ZSWIM5: variants seen among roughly 807,000 people sequenced by gnomAD.
ZSWIM5 encodes zinc finger SWIM-type containing 5, also known as zinc finger SWIM domain-containing protein 5.
A neutral mutation model predicts 119.6 loss-of-function variants in ZSWIM5; 55 were observed. The observed-to-expected ratio is 0.46, with a 90% CI of 0.37 to 0.58. The LOEUF (loss-of-function observed/expected upper bound fraction) is 0.58. Among genes scored for constraint, ZSWIM5 ranks in the 20% least tolerant of loss-of-function variants. ZSWIM5 has a pLI of 0.00. For synonymous variants in ZSWIM5, 537 were observed against 606.9 expected (o/e 0.88, Z 1.69); for missense variants, 1,193 against 1,512.8 (o/e 0.79, Z 3.51).
intron 11 of ZSWIM5, among the ~76,000 whole-genome samples, chr1:45,025,045 T>A (rs543222975): frequency 3.2e-4 from 49 of 152,346 alleles, no homozygotes; most frequent in Non-Finnish European, 6.2e-4. Context: ...GGTCAGTGTC[T>A]ATATTAATTT....
In ZSWIM5 at chr1:45,153,342, C is replaced by T. The variant is rs190435241; in HGVS notation, c.595+52414G>A. 7.3e-5 allele frequency among the ~76,000 whole-genome samples: 11 copies of T among 151,318 alleles called. No homozygotes were observed. In the East Asian group the frequency reaches 2.1e-3, roughly 29 times the overall value. On this transcript the variant is annotated intron_variant, in intron 1 of 13. Transcript: ENST00000359600. Reference sequence around the variant, plus strand: ...TTCGAGACCAGCCTGGCCAACATTGCGAAAAATATAAAAATTAGCCAGATG... The same window carrying T: ...TTCGAGACCAGCCTGGCCAACATTGTGAAAAATATAAAAATTAGCCAGATG...
intron 2 of ZSWIM5, among the ~76,000 whole-genome samples, chr1:45,069,818 A>G (rs1163294514): frequency 6.6e-6 from 1 of 152,254 alleles, no homozygotes; most frequent in African/African-American, 2.4e-5. Context: ...AATAAATTCT[A>G]GGCCAAGCTT....
intron 5 of ZSWIM5, among the ~76,000 whole-genome samples, chr1:45,048,315 T>C (rs953487112): frequency 6.6e-6 from 1 of 152,036 alleles, no homozygotes; most frequent in Non-Finnish European, 1.5e-5. Flanking sequence ...ACTGGGATTA[T>C]AGGCAGGAAC....
In ZSWIM5 at chr1:45,205,827, C is replaced by A. The variant is rs1429558470; in HGVS notation, c.524G>T (p.Gly175Val). 4.6e-6 allele frequency: 7 copies of A among 1,510,498 alleles called. No homozygotes were observed. The highest frequency in any genetic ancestry group is 6.2e-6 in the Non-Finnish European group (7 of 1,131,302). 93.6% of individuals were successfully genotyped at this position (1,510,498 alleles called of 1,614,324 possible). A position where few individuals can be genotyped will look rare whatever the true frequency, so the allele number is the denominator to read the frequency against. ...GAGAGAAGCGGEGLPFRRGIR... is the reference protein window; with the variant it reads ...GAGAGAAGCGVEGLPFRRGIR... ...GCCCCGGCGGAACGGGAGCCCCTCG[C>A]CACCGCAGCCGGCCGCGCCGGCCCC... Residue 175 changes from glycine to valine, a missense_variant, in exon 1 of 14, where the codon GGC becomes GTC. Physicochemically the swap from Gly to Val is moderately radical, Grantham distance 109. Coordinates refer to ENST00000359600, the MANE Select transcript of ZSWIM5 (RefSeq NM_020883.2).
chr1:45,182,410 AC>A (rs555766880), intron 1 of ZSWIM5, among the ~76,000 whole-genome samples: 32,058 of 141,946 alleles, frequency 0.23, 5,453 homozygotes, highest in African/African-American at 0.33. Flanking sequence ...TCTCAAAAAA[AC>A]AAACAAACAA....
intron 2 of ZSWIM5, among the ~76,000 whole-genome samples, chr1:45,077,512 G>A (rs1366982848): frequency 6.6e-6 from 1 of 152,194 alleles, no homozygotes; most frequent in African/African-American, 2.4e-5. Flanking sequence ...CACAAGGCAA[G>A]TGGAGGCAGG....
intron 2 of ZSWIM5, among the ~76,000 whole-genome samples, chr1:45,076,917 T>C (rs1463895178): frequency 6.6e-6 from 1 of 152,058 alleles, no homozygotes; most frequent in African/African-American, 2.4e-5. Flanking sequence ...TGTATGCCAA[T>C]TGCATTTTTC....
chr1:45,058,526 G>A (rs1645135421), intron 4 of ZSWIM5, 83 bp downstream of exon 4: 6 of 1,550,362 alleles, frequency 3.9e-6, no homozygotes, highest in African/African-American at 1.4e-5. Context: ...TCCATGCAAC[G>A]ACTGATGGCA....
At chr1:45,106,035 A>G (rs1348386487) in intron 1 of ZSWIM5, among the ~76,000 whole-genome samples, 19 of 127,492 alleles carry the variant, frequency 1.5e-4, no homozygotes, top group South Asian at 2.7e-4. Flanking sequence ...GGAGGTGAGG[A>G]GCGCCTCTGC....
At chr1:45,033,221 TA>T (rs1341363119) in intron 11 of ZSWIM5, among the ~76,000 whole-genome samples, 1 of 152,224 alleles carries the variant, frequency 6.6e-6, no homozygotes, top group Non-Finnish European at 1.5e-5. Context: ...TTTAGTTGTC[TA>T]AAAACGATTT....
At chr1:45,180,614 C>T (rs1291288909) in intron 1 of ZSWIM5, among the ~76,000 whole-genome samples, 21 of 152,138 alleles carry the variant, frequency 1.4e-4, no homozygotes, top group African/African-American at 3.9e-4. Context: ...GATCTGAGAA[C>T]GGGCAGACTG....
intron 1 of ZSWIM5, among the ~76,000 whole-genome samples, chr1:45,185,819 C>A (rs1646054543): frequency 6.6e-6 from 1 of 152,152 alleles, no homozygotes; most frequent in South Asian, 2.1e-4. Context: ...TAAACTAGTT[C>A]AACCATTGTG....
intron 1 of ZSWIM5, among the ~76,000 whole-genome samples, chr1:45,093,870 G>T (rs1557763492): frequency 6.7e-6 from 1 of 149,434 alleles, no homozygotes; most frequent in Non-Finnish European, 1.5e-5. Context: ...TTGAGACAGG[G>T]TCTTGCTCCG....
chr1:45,093,660 C>A (rs1424725945), intron 1 of ZSWIM5, among the ~76,000 whole-genome samples: 1 of 152,122 alleles, frequency 6.6e-6, no homozygotes, highest in African/African-American at 2.4e-5. Flanking sequence ...AAAGGGAAGT[C>A]CCTTTCAAAT....
chr1:45,138,068 A>C (rs1285448319), intron 1 of ZSWIM5, among the ~76,000 whole-genome samples: 1 of 152,174 alleles, frequency 6.6e-6, no homozygotes, highest in Non-Finnish European at 1.5e-5. Flanking sequence ...GAAACTGCCT[A>C]AATATGTATC....
intron 1 of ZSWIM5, among the ~76,000 whole-genome samples, chr1:45,159,562 T>C (rs566854645): frequency 6.6e-6 from 1 of 152,282 alleles, no homozygotes; most frequent in South Asian, 2.1e-4. Context: ...CATTTTCCAA[T>C]CTGGAGAGGT....
intron 10 of ZSWIM5, 38 bp downstream of exon 10, chr1:45,035,650 T>A: frequency 6.2e-7 from 1 of 1,606,582 alleles, no homozygotes; most frequent in Non-Finnish European, 8.5e-7. Context: ...ACACTTCTGC[T>A]TTGGTGGAGG....
chr1:45,167,402 C>T (rs1645912738), intron 1 of ZSWIM5, among the ~76,000 whole-genome samples: 2 of 151,844 alleles, frequency 1.3e-5, no homozygotes, highest in Non-Finnish European at 2.9e-5. Context: ...CCATTCAGGA[C>T]ATAGGCATGG....
intron 2 of ZSWIM5, among the ~76,000 whole-genome samples, chr1:45,061,884 A>T (rs945725316): frequency 2.0e-5 from 3 of 151,702 alleles, no homozygotes; most frequent in Non-Finnish European, 4.4e-5. Flanking sequence ...TGAGGCCAGG[A>T]GTTTGAGACT....
Sources: allele counts gnomAD v4.1 joint callset (sites outside exome capture counted in the v4.1 genomes callset), GRCh38; gene constraint gnomAD v4.1.1; transcripts MANE v1.5; gene names NCBI Gene and HGNC (gene_info 2026-07-23, HGNC 2026-07-21).